Variants in SPATS2 observed in about 807,000 individuals in gnomAD.
SPATS2 encodes spermatogenesis-associated serine-rich protein 2.
In SPATS2, 38 loss-of-function variants were observed where a neutral mutation model predicts 63.7. The observed-to-expected ratio is 0.60, with a 90% CI of 0.46 to 0.78. SPATS2 has a LOEUF of 0.78. SPATS2 is among the 30% of genes least tolerant of loss of function. SPATS2 has a pLI of 0.00. For missense variants in SPATS2, 588 were observed against 666.2 expected, an observed-to-expected ratio of 0.88 and a Z score of 1.29; for synonymous variants, 207 against 232.9, an observed-to-expected ratio of 0.89 and a Z score of 1.01.
chr12:49,388,009 T>A (rs1944351131), intron 2 of SPATS2, among the ~76,000 whole-genome samples: 1 of 152,146 alleles, frequency 6.6e-6, no homozygotes, highest in Non-Finnish European at 1.5e-5. Context: ...TTCAAACTTG[T>A]GGGCTCAAGC....
chr12:49,493,736 C>T (rs1158998627), intron 6 of SPATS2, among the ~76,000 whole-genome samples: 1 of 152,124 alleles, frequency 6.6e-6, no homozygotes, highest in Non-Finnish European at 1.5e-5. Context: ...CATCCCTGTT[C>T]CCCAGCCATT....
At chr12:49,382,291 A>T (rs1486229963) in intron 2 of SPATS2, among the ~76,000 whole-genome samples, 1 of 152,232 alleles carries the variant, frequency 6.6e-6, no homozygotes, top group African/African-American at 2.4e-5. Context: ...GCACTTAAAA[A>T]TTTTTAAAGC....
intron 3 of SPATS2, among the ~76,000 whole-genome samples, chr12:49,472,954 G>A (rs1307004658): frequency 6.6e-6 from 1 of 151,424 alleles, no homozygotes; most frequent in African/African-American, 2.4e-5. Context: ...GGAGGCTTAG[G>A]CTGGAGGATT....
At chr12:49,465,244 T>C (rs1945891959) in intron 3 of SPATS2, among the ~76,000 whole-genome samples, 1 of 152,236 alleles carries the variant, frequency 6.6e-6, no homozygotes, top group Non-Finnish European at 1.5e-5. Context: ...TGGACTTCTT[T>C]AACTTTGTAA....
Position 49,480,699 on chromosome 12 carries a change from A to G in SPATS2, c.26-3891A>G, listed in dbSNP as rs547875409. ...ATGTTTTATCTTTTAAGGAACCAAC[A>G]TGTGGTTTTTATTGGGGCTGTACCA... is the stretch of plus-strand genomic sequence containing the variant. On this transcript the variant is annotated intron_variant, in intron 3 of 13. Transcript: ENST00000552918. Among the ~76,000 whole-genome samples the G allele has an allele frequency of 4.6e-5, 7 of 152,036 alleles. No homozygotes were observed. In the South Asian group the frequency reaches 1.5e-3, roughly 32 times the overall value.
chr12:49,422,717 C>A (rs1187668858), intron 2 of SPATS2, among the ~76,000 whole-genome samples: 1 of 151,962 alleles, frequency 6.6e-6, no homozygotes, highest in Non-Finnish European at 1.5e-5. Context: ...GATCAGCCTG[C>A]GCAAGGCAAC....
chr12:49,424,800 C>T (rs1945043580), intron 2 of SPATS2, among the ~76,000 whole-genome samples: 1 of 152,192 alleles, frequency 6.6e-6, no homozygotes, highest in Admixed American at 6.5e-5. Context: ...CTGCCTCAGC[C>T]TCCCAAGTAG....
intron 2 of SPATS2, among the ~76,000 whole-genome samples, chr12:49,422,420 T>C (rs1944999566): frequency 6.6e-6 from 1 of 152,228 alleles, no homozygotes; most frequent in Admixed American, 6.5e-5. Context: ...TTTTTTTTCC[T>C]TCTGTTTCCA....
intron 2 of SPATS2, among the ~76,000 whole-genome samples, chr12:49,410,471 AAGAC>A (rs1944779317): frequency 6.6e-6 from 1 of 152,144 alleles, no homozygotes; most frequent in African/African-American, 2.4e-5. Flanking sequence ...CAGAATGAGT[AAGAC>A]AGAGAGGATC....
intron 2 of SPATS2, chr12:49,389,551 TA>T (rs1944382869): frequency 2.0e-6 from 2 of 999,156 alleles, no homozygotes; most frequent in Non-Finnish European, 3.2e-6. Flanking sequence ...TTGCTGATGC[TA>T]AAACTCTTGT....
chr12:49,379,153 C>T (rs1944163643), intron 2 of SPATS2, among the ~76,000 whole-genome samples: 2 of 149,590 alleles, frequency 1.3e-5, no homozygotes, highest in South Asian at 4.2e-4. Flanking sequence ...AACTCCTGAC[C>T]TCATGATCCA....
At chr12:49,503,420 C>T (rs548471340) in intron 9 of SPATS2, among the ~76,000 whole-genome samples, 37 of 151,364 alleles carry the variant, frequency 2.4e-4, no homozygotes, top group Admixed American at 2.0e-3. Flanking sequence ...GAGGCCGAGG[C>T]GGGTGGATCA....
At chr12:49,488,306 G>A (rs1040241895) in intron 4 of SPATS2, among the ~76,000 whole-genome samples, 1 of 151,878 alleles carries the variant, frequency 6.6e-6, no homozygotes, top group Non-Finnish European at 1.5e-5. Flanking sequence ...GCCTCCTAAA[G>A]TGCTGGGATT....
chr12:49,517,734 G>A (rs1331656167), intron 10 of SPATS2, among the ~76,000 whole-genome samples: 3 of 152,158 alleles, frequency 2.0e-5, no homozygotes, highest in Non-Finnish European at 2.9e-5. Context: ...ACGCTTTCCT[G>A]TAAAGCCTGC....
chr12:49,375,237 G>A (rs1285391035), intron 2 of SPATS2, among the ~76,000 whole-genome samples: 2 of 149,254 alleles, frequency 1.3e-5, no homozygotes, highest in Admixed American at 1.3e-4. Context: ...GTATTAGGAC[G>A]GAGGAGAAGG....
chr12:49,402,825 C>T (rs1464560709), intron 2 of SPATS2, among the ~76,000 whole-genome samples: 1 of 152,134 alleles, frequency 6.6e-6, no homozygotes, highest in Non-Finnish European at 1.5e-5. Flanking sequence ...AATAACTTTA[C>T]CTCTTCTAAC....
intron 2 of SPATS2, among the ~76,000 whole-genome samples, chr12:49,429,926 A>T: frequency 6.9e-6 from 1 of 144,158 alleles, no homozygotes; most frequent in Non-Finnish European, 1.5e-5. Flanking sequence ...GATTACAGGG[A>T]CGCGCCATCA....
intron 2 of SPATS2, chr12:49,442,717 G>C (rs1007948578): frequency 6.9e-6 from 1 of 144,004 alleles, no homozygotes; most frequent in Non-Finnish European, 1.5e-5. Flanking sequence ...CCAGGAGTTT[G>C]AGGTGGCAGT....
intron 3 of SPATS2, among the ~76,000 whole-genome samples, chr12:49,475,118 G>A (rs1946096319): frequency 1.3e-5 from 2 of 152,148 alleles, no homozygotes; most frequent in African/African-American, 2.4e-5. Context: ...GGGTGGGGAC[G>A]CAGAGCCAAA....
Sources: gnomAD v4.1 joint callset for allele counts (sites outside exome capture counted in the v4.1 genomes callset) on GRCh38, gnomAD v4.1.1 for gene constraint, MANE v1.5 for transcripts, NCBI Gene and HGNC (gene_info 2026-07-23, HGNC 2026-07-21) for gene names.